Variants in SHARPIN observed in about 807,000 individuals in gnomAD.
SHARPIN encodes the protein SHANK associated RH domain interactor.
In SHARPIN, 25 loss-of-function variants were observed where a neutral mutation model predicts 40.3. The observed-to-expected ratio is 0.62, with a 90% CI of 0.45 to 0.87. The LOEUF (loss-of-function observed/expected upper bound fraction) is 0.87. SHARPIN is among the 40% of genes least tolerant of loss of function. The pLI is 0.00. For synonymous variants in SHARPIN, 274 were observed against 221.8 expected (o/e 1.24, Z -2.09); for missense variants, 551 against 516.1 (o/e 1.07, Z -0.66).
Position 144,099,358 on chromosome 8 carries a change from G to T in SHARPIN, c.841C>A (p.Arg281Ser). ...VIGRCLCVPE[R>S]SLASYGVRQD... ...CGAACCCCGTAAGAGGCAAGGCTGCGCTCAGGCACACACAGGCACCGTCCG... is the reference window on the plus strand; with the variant it reads ...CGAACCCCGTAAGAGGCAAGGCTGCTCTCAGGCACACACAGGCACCGTCCG... Residue 281 changes from arginine to serine, a missense_variant, in exon 6 of 9, where the codon CGC (arginine) becomes AGC (serine). Arg to Ser is a moderately radical substitution (Grantham distance 110). Coordinates refer to ENST00000398712, the MANE Select transcript of SHARPIN (RefSeq NM_030974.4). 2 of 1,614,020 alleles carry T rather than the reference G, an allele frequency of 1.2e-6. No homozygotes were observed. Among genetic ancestry groups the T allele is most frequent in the Non-Finnish European group, 1.7e-6 (2 of 1,179,960 alleles).
intron 5 of SHARPIN, 33 bp downstream of exon 5, chr8:144,099,477 C>T (rs376015740): frequency 5.0e-6 from 8 of 1,609,114 alleles, no homozygotes; most frequent in Non-Finnish European, 6.8e-6. Context: ...GGCTCCTCTG[C>T]CCCTGGCAGG....
At chr8:144,103,418 C>A in intron 1 of SHARPIN, 135 bp downstream of exon 1, 1 of 1,123,546 alleles carries the variant, frequency 8.9e-7, no homozygotes, top group Non-Finnish European at 1.3e-6. Context: ...ACCCCCATTT[C>A]ACGGACGAGA....
intron 4 of SHARPIN, 29 bp downstream of exon 4, chr8:144,099,674 C>T (rs746004362): frequency 2.5e-6 from 4 of 1,613,028 alleles, no homozygotes; most frequent in Non-Finnish European, 3.4e-6. Context: ...GTCACGAGGA[C>T]AAGGTGAAGA....
intron 2 of SHARPIN, 101 bp from the exon 3 acceptor site, chr8:144,100,170 C>CCTGAGG: frequency 7.0e-7 from 1 of 1,425,688 alleles, no homozygotes; most frequent in Non-Finnish European, 9.4e-7. Flanking sequence ...TCAGTCCATG[C>CCTGAGG]CAGGGCCCTG....
In SHARPIN at chr8:144,099,327, T is replaced by C. The variant is rs1378764618; in HGVS notation, c.872A>G (p.Asp291Gly). The change falls in exon 6 of 9, where the codon GAT becomes GGT. Residue 291 changes from aspartate to glycine, a missense_variant. Coordinates refer to ENST00000398712, the MANE Select transcript of SHARPIN (RefSeq NM_030974.4). ...CAAGTAGAGGAAAGCAGGGTCCCCA[T>C]CCTGCCGAACCCCGTAAGAGGCAAG... ...RSLASYGVRQ[D>G]GDPAFLYLLS... is the part of the protein sequence containing the mutation. 4.0e-5 allele frequency: 65 copies of C among 1,613,962 alleles called. 1 individual carries two copies. In the East Asian group the frequency reaches 1.4e-3, roughly 35 times the overall value.
intron 2 of SHARPIN, 68 bp from the exon 3 acceptor site, chr8:144,100,137 G>C: frequency 6.6e-7 from 1 of 1,508,562 alleles, no homozygotes; most frequent in East Asian, 2.3e-5. Flanking sequence ...TGGTTTTCCA[G>C]GACCTTTGCC....
At chr8:144,100,158 C>G in intron 2 of SHARPIN, 89 bp from the exon 3 acceptor site, 2 of 1,478,154 alleles carry the variant, frequency 1.4e-6, no homozygotes, top group Non-Finnish European at 1.8e-6. Context: ...TTCTCCCTCA[C>G]CTCAGTCCAT....
At chr8:144,101,648 C>T (rs1416481275) in intron 2 of SHARPIN, among the ~76,000 whole-genome samples, 1 of 144,966 alleles carries the variant, frequency 6.9e-6, no homozygotes, top group African/African-American at 2.6e-5. Context: ...GATCTCTTAA[C>T]CTCATGATCT....
intron 2 of SHARPIN, chr8:144,102,762 CT>C (rs1836313663): frequency 1.9e-6 from 1 of 538,816 alleles, no homozygotes; most frequent in Non-Finnish European, 3.4e-6. Flanking sequence ...CCTGCTCTGC[CT>C]CTTCATGCTT....
Position 144,099,544 on chromosome 8 carries a change from T to C in SHARPIN, c.734A>G (p.His245Arg), listed in dbSNP as rs369335155. Residue 245 changes from histidine (H) to arginine (R), a missense_variant, in exon 5 of 9, where the codon CAC becomes CGC. Physicochemically the swap from His to Arg is conservative, Grantham distance 29 (BLOSUM62 0). Coordinates refer to ENST00000398712, the MANE Select transcript of SHARPIN (RefSeq NM_030974.4). ...GAGAGCTGCAACAGTGCAGTGGGGG[T>C]GGACCTGCAGGGCAACGTGTGCAGA... is the stretch of plus-strand genomic sequence containing the variant. ...ASSAHVALQV[H>R]PHCTVAALQE... The C allele has an allele frequency of 1.3e-5, 21 of 1,613,744 alleles. No homozygotes were observed. The African/African-American group carries it at 1.3e-4, about 10-fold the overall frequency.
In SHARPIN at chr8:144,103,759, G is replaced by T; in HGVS notation, c.-6C>A. 1 of 1,365,336 alleles carries T rather than the reference G, an allele frequency of 7.3e-7. No homozygotes were observed. Among genetic ancestry groups the T allele is most frequent in the South Asian group, 1.7e-5 (1 of 57,436 alleles). 84.6% of individuals were successfully genotyped at this position (1,365,336 alleles called of 1,614,324 possible). ...CCGCCCGCTGGCGGCGCCATCTCCGGTCCGGCCGGGTCCCACCCCTCCGAG... is the reference window on the plus strand; with the variant it reads ...CCGCCCGCTGGCGGCGCCATCTCCGTTCCGGCCGGGTCCCACCCCTCCGAG... On this transcript the variant is annotated 5_prime_UTR_variant, in exon 1 of 9. Transcript: ENST00000398712.
At position 144,103,607 on chromosome 8, in the gene SHARPIN, G is replaced by C; in HGVS notation, c.147C>G (p.Asp49Glu). 2.6e-6 allele frequency: 4 copies of C among 1,530,372 alleles called. No homozygotes were observed. The highest frequency in any genetic ancestry group is 3.5e-6 in the Non-Finnish European group (4 of 1,144,832). 94.8% of individuals were successfully genotyped at this position (1,530,372 alleles called of 1,614,324 possible). A position where few individuals can be genotyped will look rare whatever the true frequency, so the allele number is the denominator to read the frequency against. ...AQLRRLQLSA[D>E]PERPGRFRLE... ...GCCGGAAGCGCCCAGGCCGCTCAGG[G>C]TCCGCGCTCAGCTGCAGCCTCCGCA... The change falls in exon 1 of 9, where the codon GAC (aspartate) becomes GAG (glutamate). Residue 49 changes from aspartate to glutamate, a missense_variant. Asp to Glu is a conservative substitution (Grantham distance 45). Transcript: ENST00000398712.
intron 2 of SHARPIN, 46 bp from the exon 3 acceptor site, chr8:144,100,115 C>T (rs1836261724): frequency 6.6e-7 from 1 of 1,516,722 alleles, no homozygotes; most frequent in South Asian, 1.3e-5. Flanking sequence ...TCTGTCCAGG[C>T]CTCTAGGCCC....
At chr8:144,099,039 C>G in intron 7 of SHARPIN, 42 bp downstream of exon 7, 1 of 1,586,838 alleles carries the variant, frequency 6.3e-7, no homozygotes. Flanking sequence ...CTTTCCAATG[C>G]CCATGGCTGT....
At chr8:144,100,141 C>T (rs544983392) in intron 2 of SHARPIN, 72 bp from the exon 3 acceptor site, 42 of 1,504,376 alleles carry the variant, frequency 2.8e-5, no homozygotes, top group Non-Finnish European at 3.5e-5. Context: ...TTTCCAGGAC[C>T]TTTGCCTTCT....
In SHARPIN at chr8:144,103,678, C is replaced by A. The variant is rs1453464871; in HGVS notation, c.76G>T (p.Ala26Ser). ...GSAAVLLAVH[A>S]AVRPLGAGPD... ...CCGGCGCCCAGCGGCCTCACCGCGG[C>A]GTGCACAGCCAAGAGCACTGCGGCG... Residue 26 changes from alanine to serine, a missense_variant, in exon 1 of 9, where the codon GCC (alanine) becomes TCC (serine). By Grantham distance (99) the Ala-to-Ser change is moderately conservative (BLOSUM62 1). Transcript: ENST00000398712. The A allele has an allele frequency of 6.6e-7, 1 of 1,520,554 alleles. No individual in the cohort carries two copies. The highest frequency in any genetic ancestry group is 2.0e-5 in the Admixed American group (1 of 50,016). The allele number at this position is 1,520,554 out of a possible 1,614,324, so 94.2% of individuals were successfully genotyped here.
rs1836316778 is a variant in SHARPIN, at chr8:144,102,893, C to T, written c.376+158G>A. The stretch of plus-strand genomic sequence containing the variant: ...GGTGTAGGAGACTGACTCCAGCAGC[C>T]ACTCCAAGTACTCCAAGCTACTCCA... On this transcript the variant is annotated intron_variant, in intron 2 of 8. Transcript: ENST00000398712. 14 of 846,056 alleles carry T rather than the reference C, an allele frequency of 1.7e-5. 1 individual carries two copies. The South Asian group carries it at 2.0e-4, about 12-fold the overall frequency. 52.4% of individuals were successfully genotyped at this position (846,056 alleles called of 1,614,324 possible).
At chr8:144,101,921 C>T (rs963160962) in intron 2 of SHARPIN, among the ~76,000 whole-genome samples, 1 of 152,124 alleles carries the variant, frequency 6.6e-6, no homozygotes, top group African/African-American at 2.4e-5. Context: ...TTTATAAACC[C>T]TGAGTTGCTT....
At chr8:144,102,429 A>G (rs543379604) in intron 2 of SHARPIN, among the ~76,000 whole-genome samples, 1 of 152,150 alleles carries the variant, frequency 6.6e-6, no homozygotes, top group Non-Finnish European at 1.5e-5. Context: ...ACACGCCACC[A>G]CGCCTGGCTA....
Sources: allele counts gnomAD v4.1 joint callset (sites outside exome capture counted in the v4.1 genomes callset), GRCh38; gene constraint gnomAD v4.1.1; transcripts MANE v1.5; gene names NCBI Gene and HGNC (gene_info 2026-07-23, HGNC 2026-07-21).